Variants in MAN1C1 observed in about 807,000 individuals in gnomAD.
MAN1C1 encodes mannosyl-oligosaccharide 1,2-alpha-mannosidase IC.
A neutral mutation model predicts 71.5 loss-of-function variants in MAN1C1; 49 were observed. The ratio of observed to expected loss-of-function variants is 0.69; its 90% CI spans 0.54 to 0.87. The LOEUF (loss-of-function observed/expected upper bound fraction) is 0.87. Ranked by LOEUF, MAN1C1 falls within the 40% of genes least tolerant of loss-of-function variation. The probability of loss-of-function intolerance (pLI) is 0.00; values close to 1 mark genes in which losing one functional copy is unlikely to be tolerated. For synonymous variants in MAN1C1, 352 were observed against 343.7 expected (o/e 1.02, Z -0.27); for missense variants, 743 against 835.0 (o/e 0.89, Z 1.36).
rs1171327163 is a variant in MAN1C1, at chr1:25,771,835, G to A, written c.1257+63G>A. On this transcript the variant is annotated intron_variant, in intron 8 of 11. Transcript: ENST00000374332. ...ACCAGCCCCCGGCTCTCTCACGGCC[G>A]AGCGAGGGTGCTGCGGGCAGCGGGG... 54 of 1,357,856 alleles carry A rather than the reference G, an allele frequency of 4.0e-5. No homozygotes were observed. In the Middle Eastern group the frequency reaches 9.4e-4, roughly 24 times the overall value. The allele number at this position is 1,357,856 out of a possible 1,614,324, so 84.1% of individuals were successfully genotyped here.
At chr1:25,619,069 G>C (rs1235049126) in intron 1 of MAN1C1, among the ~76,000 whole-genome samples, 1 of 152,228 alleles carries the variant, frequency 6.6e-6, no homozygotes, top group Non-Finnish European at 1.5e-5. Flanking sequence ...GGATTTAGAA[G>C]GATCACTTTA....
intron 1 of MAN1C1, among the ~76,000 whole-genome samples, chr1:25,673,200 C>T (rs552627000): frequency 1.4e-3 from 213 of 152,256 alleles, no homozygotes; most frequent in African/African-American, 4.6e-3. Context: ...GCAGGGAAGA[C>T]GATGAATGGG....
At chr1:25,645,582 C>T (rs554136895) in intron 1 of MAN1C1, 2 of 152,306 alleles carry the variant, frequency 1.3e-5, no homozygotes, top group South Asian at 2.1e-4. Context: ...ACTCAGTGAC[C>T]ACAAGCACAC....
At chr1:25,699,319 A>G (rs2744782) in intron 2 of MAN1C1, among the ~76,000 whole-genome samples, 14,527 of 150,324 alleles carry the variant, frequency 0.097, 1,012 homozygotes, top group African/African-American at 0.19. Context: ...AAAAAAAAAA[A>G]AAGAAGAAGA....
At chr1:25,652,701 C>A (rs1006235538) in intron 1 of MAN1C1, among the ~76,000 whole-genome samples, 1 of 152,220 alleles carries the variant, frequency 6.6e-6, no homozygotes, top group African/African-American at 2.4e-5. Flanking sequence ...AATTACTCAA[C>A]CTCTGCCTCA....
intron 1 of MAN1C1, among the ~76,000 whole-genome samples, chr1:25,624,011 T>C (rs1181565143): frequency 1.3e-5 from 2 of 152,232 alleles, no homozygotes; most frequent in Non-Finnish European, 2.9e-5. Context: ...ACCAGGATCA[T>C]TCAAACAATA....
chr1:25,619,502 C>T (rs1017268720), intron 1 of MAN1C1, among the ~76,000 whole-genome samples: 12 of 152,310 alleles, frequency 7.9e-5, no homozygotes, highest in African/African-American at 2.9e-4. Context: ...TTGTCTGAAC[C>T]ATCCTCCCTT....
chr1:25,635,556 T>TGGCAGC (rs2124756496), intron 1 of MAN1C1, among the ~76,000 whole-genome samples: 1 of 151,970 alleles, frequency 6.6e-6, no homozygotes, highest in South Asian at 2.1e-4. Flanking sequence ...TTCAAGTGAT[T>TGGCAGC]CTCCTGCCTC....
chr1:25,770,468 C>G (rs141983077), intron 7 of MAN1C1, among the ~76,000 whole-genome samples: 10 of 152,272 alleles, frequency 6.6e-5, no homozygotes, highest in East Asian at 1.9e-4. Flanking sequence ...CTCTACGTAT[C>G]TCTGTCTTCA....
intron 1 of MAN1C1, among the ~76,000 whole-genome samples, chr1:25,680,711 A>G (rs553094165): frequency 1.3e-5 from 2 of 152,326 alleles, no homozygotes; most frequent in East Asian, 3.9e-4. Context: ...GATCCATTCA[A>G]TCAATGGACA....
chr1:25,640,654 C>G (rs543832616), intron 1 of MAN1C1, among the ~76,000 whole-genome samples: 8 of 152,294 alleles, frequency 5.3e-5, no homozygotes, highest in Admixed American at 1.3e-4. Context: ...GAGAAAGGTT[C>G]ATGTTTTGGC....
chr1:25,701,686 G>T (rs1005088363), intron 2 of MAN1C1, among the ~76,000 whole-genome samples: 2 of 152,206 alleles, frequency 1.3e-5, no homozygotes, highest in African/African-American at 4.8e-5. Context: ...GTGTGCCATT[G>T]ATTCAAAGGG....
intron 1 of MAN1C1, 55 bp from the exon 2 acceptor site, chr1:25,686,385 C>T (rs948213348): frequency 1.6e-5 from 24 of 1,470,192 alleles, no homozygotes; most frequent in South Asian, 1.5e-4. Flanking sequence ...GCGGCCAGTG[C>T]GCACTGCCAG....
At chr1:25,641,241 C>A (rs1357339518) in intron 1 of MAN1C1, among the ~76,000 whole-genome samples, 2 of 152,194 alleles carry the variant, frequency 1.3e-5, no homozygotes, top group Non-Finnish European at 2.9e-5. Flanking sequence ...AACAGCCTTG[C>A]GGCATACAGA....
intron 1 of MAN1C1, among the ~76,000 whole-genome samples, chr1:25,657,182 T>C (rs2045780451): frequency 6.6e-6 from 1 of 152,128 alleles, no homozygotes; most frequent in African/African-American, 2.4e-5. Context: ...CCCTCAGCCT[T>C]CTAAGGAGAG....
chr1:25,691,863 T>C (rs953037296), intron 2 of MAN1C1, among the ~76,000 whole-genome samples: 1 of 152,222 alleles, frequency 6.6e-6, no homozygotes, highest in Middle Eastern at 3.2e-3. Context: ...ATCAGCCTCC[T>C]GCCAATGGCC....
At chr1:25,752,451 G>C (rs375752739) in intron 4 of MAN1C1, among the ~76,000 whole-genome samples, 1 of 152,168 alleles carries the variant, frequency 6.6e-6, no homozygotes, top group South Asian at 2.1e-4. Context: ...ACAGGCATGA[G>C]CCACCGTGCC....
intron 5 of MAN1C1, 57 bp from the exon 6 acceptor site, chr1:25,758,535 G>A: frequency 6.7e-7 from 1 of 1,489,134 alleles, no homozygotes; most frequent in Non-Finnish European, 9.2e-7. Flanking sequence ...GTTACTGTCA[G>A]CAGAGGAGCC....
At chr1:25,712,778 C>T (rs2046630688) in intron 2 of MAN1C1, among the ~76,000 whole-genome samples, 1 of 152,308 alleles carries the variant, frequency 6.6e-6, no homozygotes, top group Middle Eastern at 3.4e-3. Context: ...GTCTTAGGCT[C>T]CTGCATGGCG....
Sources: allele counts gnomAD v4.1 joint callset (sites outside exome capture counted in the v4.1 genomes callset), GRCh38; gene constraint gnomAD v4.1.1; transcripts MANE v1.5; gene names NCBI Gene and HGNC (gene_info 2026-07-23, HGNC 2026-07-21).